The following KIAA1328 variants were observed in gnomAD, a reference collection of about 807,000 sequenced individuals.
KIAA1328 encodes the protein protein hinderin.
Under a neutral mutation model 68.1 loss-of-function variants are expected in KIAA1328, and 52 were observed. The ratio of observed to expected loss-of-function variants is 0.76; its 90% CI spans 0.61 to 0.96. The LOEUF (loss-of-function observed/expected upper bound fraction) is 0.96. Ranked by LOEUF, KIAA1328 falls within the 40% of genes least tolerant of loss-of-function variation. The pLI, the probability that KIAA1328 is intolerant of heterozygous loss-of-function variation, is 0.00. For synonymous variants in KIAA1328, 232 were observed against 239.4 expected (o/e 0.97, Z 0.28); for missense variants, 641 against 677.6 (o/e 0.95, Z 0.60).
chr18:36,912,818 C>T (rs564038750), intron 5 of KIAA1328, among the ~76,000 whole-genome samples: 1 of 152,306 alleles, frequency 6.6e-6, no homozygotes, highest in South Asian at 2.1e-4. Flanking sequence ...TCCTAAGGTA[C>T]AGTTCCTATC....
In KIAA1328 at chr18:37,222,309, A is replaced by G. The variant is rs2060579757; in HGVS notation, c.*82A>G. On this transcript the variant is annotated 3_prime_UTR_variant, in exon 10 of 10. Coordinates refer to ENST00000280020, the MANE Select transcript of KIAA1328 (RefSeq NM_020776.3). ...TTTTAAATTATTTCATTGCAAAGTAATTGTGTCTCTCCTTTCACGGGGACT... is the reference window on the plus strand; with the variant it reads ...TTTTAAATTATTTCATTGCAAAGTAGTTGTGTCTCTCCTTTCACGGGGACT... 6.6e-7 allele frequency: 1 copy of G among 1,526,090 alleles called. No homozygotes were observed. The highest frequency in any genetic ancestry group is 8.8e-7 in the Non-Finnish European group (1 of 1,136,402). The allele number at this position is 1,526,090 out of a possible 1,614,324, so 94.5% of individuals were successfully genotyped here.
chr18:37,046,830 TAC>T (rs2055489617), intron 6 of KIAA1328, among the ~76,000 whole-genome samples: 1 of 152,184 alleles, frequency 6.6e-6, no homozygotes, highest in South Asian at 2.1e-4. Context: ...GCCTGATTTT[TAC>T]ATAAAAAGGT....
At chr18:37,075,310 C>G (rs998189947) in intron 7 of KIAA1328, 4 of 152,070 alleles carry the variant, frequency 2.6e-5, no homozygotes, top group Non-Finnish European at 2.9e-5. Flanking sequence ...CCAGACTTGC[C>G]CTAAAAGAGC....
chr18:36,950,635 A>AT (rs2051121018), intron 5 of KIAA1328, among the ~76,000 whole-genome samples: 1 of 152,162 alleles, frequency 6.6e-6, no homozygotes, highest in Admixed American at 6.5e-5. Flanking sequence ...GGAATCTAGG[A>AT]TTAAGGGCGG....
chr18:37,004,759 C>G (rs2053715932), intron 6 of KIAA1328, among the ~76,000 whole-genome samples: 1 of 152,062 alleles, frequency 6.6e-6, no homozygotes, highest in African/African-American at 2.4e-5. Flanking sequence ...GGTATCTACC[C>G]ACAGGAAAAG....
intron 6 of KIAA1328, among the ~76,000 whole-genome samples, chr18:36,984,608 C>T (rs2052832592): frequency 6.6e-6 from 1 of 152,006 alleles, no homozygotes; most frequent in Non-Finnish European, 1.5e-5. Flanking sequence ...AGTTAAGGAA[C>T]ACCTAAATAA....
chr18:37,229,546 T>C, downstream of KIAA1328: 1 of 1,274,548 alleles, frequency 7.8e-7, no homozygotes, highest in Non-Finnish European at 1.0e-6. Flanking sequence ...TTTTACTTCT[T>C]CCCTTCTCTT....
chr18:37,183,122 A>T (rs957536287), intron 9 of KIAA1328, among the ~76,000 whole-genome samples: 3 of 152,224 alleles, frequency 2.0e-5, no homozygotes, highest in African/African-American at 7.2e-5. Flanking sequence ...AGAGGAGGTT[A>T]GGAAGTAAGA....
intron 6 of KIAA1328, among the ~76,000 whole-genome samples, chr18:36,977,023 T>C (rs1242173628): frequency 6.6e-6 from 1 of 152,242 alleles, no homozygotes; most frequent in Middle Eastern, 3.2e-3. Context: ...CTAATACCTT[T>C]TTTAAGCGTG....
At chr18:36,866,516 CTCTT>C (rs985247332) in intron 4 of KIAA1328, among the ~76,000 whole-genome samples, 2 of 152,060 alleles carry the variant, frequency 1.3e-5, no homozygotes, top group African/African-American at 4.8e-5. Flanking sequence ...AAAAAGTGAT[CTCTT>C]TGAGTAAAGA....
chr18:37,179,161 C>T (rs2059652319), intron 9 of KIAA1328, among the ~76,000 whole-genome samples: 1 of 152,134 alleles, frequency 6.6e-6, no homozygotes, highest in Non-Finnish European at 1.5e-5. Flanking sequence ...TGTCATGGAG[C>T]TTTTCCTCTT....
intron 5 of KIAA1328, among the ~76,000 whole-genome samples, chr18:36,947,443 G>A (rs918287345): frequency 1.3e-5 from 2 of 152,146 alleles, no homozygotes; most frequent in Admixed American, 6.5e-5. Flanking sequence ...ATTCAGTCTG[G>A]AAAGGTGGGA....
At chr18:37,160,800 A>C (rs1014913212) in intron 8 of KIAA1328, among the ~76,000 whole-genome samples, 2 of 152,200 alleles carry the variant, frequency 1.3e-5, no homozygotes, top group Admixed American at 1.3e-4. Flanking sequence ...ACAATTCCCC[A>C]TATTGTGACT....
chr18:37,062,983 C>T (rs1360478008), intron 6 of KIAA1328, among the ~76,000 whole-genome samples: 2 of 151,752 alleles, frequency 1.3e-5, no homozygotes, highest in African/African-American at 2.4e-5. Flanking sequence ...TAGTTGGGTC[C>T]TCTGCCTAGG....
In KIAA1328 at chr18:37,222,743, T is replaced by G. The variant is rs1015167332; in HGVS notation, c.*516T>G. The G allele has an allele frequency of 1.0e-6, 1 of 993,984 alleles. No homozygotes were observed. Among genetic ancestry groups the G allele is most frequent in the African/African-American group, 1.7e-5 (1 of 57,272 alleles). The allele number at this position is 993,984 out of a possible 1,614,324, so 61.6% of individuals were successfully genotyped here. ...GGTCCTTTAATTCTGAAGTTGGAGT[T>G]GGTGCCCCTGCCATCACAAACAACA... On this transcript the variant is annotated 3_prime_UTR_variant, in exon 10 of 10. Coordinates refer to ENST00000280020, the MANE Select transcript of KIAA1328 (RefSeq NM_020776.3).
intron 4 of KIAA1328, among the ~76,000 whole-genome samples, chr18:36,881,834 A>G (rs1417619954): frequency 6.6e-6 from 1 of 152,284 alleles, no homozygotes; most frequent in South Asian, 2.1e-4. Context: ...GTATAGACAC[A>G]TTTTGGTTAT....
At chr18:37,112,407 C>A (rs2057959942) in intron 7 of KIAA1328, among the ~76,000 whole-genome samples, 1 of 152,206 alleles carries the variant, frequency 6.6e-6, no homozygotes, top group African/African-American at 2.4e-5. Flanking sequence ...CCCAGGCAAA[C>A]AGCATCTGGA....
intron 7 of KIAA1328, among the ~76,000 whole-genome samples, chr18:37,082,953 G>T (rs1338561928): frequency 1.3e-5 from 2 of 152,176 alleles, no homozygotes; most frequent in African/African-American, 4.8e-5. Flanking sequence ...CTACCTAACT[G>T]TAATAAAATT....
intron 5 of KIAA1328, chr18:36,895,779 G>A: frequency 6.6e-6 from 3 of 456,168 alleles, no homozygotes; most frequent in Non-Finnish European, 1.3e-5. Context: ...AGGCAATTAA[G>A]GTTAAATGAG....
Sources: gnomAD v4.1 joint callset for allele counts (sites outside exome capture counted in the v4.1 genomes callset) on GRCh38, gnomAD v4.1.1 for gene constraint, MANE v1.5 for transcripts, NCBI Gene and HGNC (gene_info 2026-07-23, HGNC 2026-07-21) for gene names.